The following FHIP1A variants were observed in gnomAD, a reference collection of about 807,000 sequenced individuals.
The protein encoded by FHIP1A is FHF complex subunit HOOK-interacting protein 1A.
FHIP1A carries 61 observed loss-of-function variants against 88.6 expected under a neutral mutation model. The ratio of observed to expected loss-of-function variants is 0.69; its 90% CI spans 0.56 to 0.85. The LOEUF is 0.85. Among genes scored for constraint, FHIP1A ranks in the 40% least tolerant of loss-of-function variants. The pLI is 0.00. For synonymous variants in FHIP1A, 478 were observed against 496.0 expected, an observed-to-expected ratio of 0.96 and a Z score of 0.48; for missense variants, 1,154 against 1,273.5, an observed-to-expected ratio of 0.91 and a Z score of 1.43.
intron 7 of FHIP1A, among the ~76,000 whole-genome samples, chr4:151,620,864 C>T (rs1472100426): frequency 6.8e-6 from 1 of 147,432 alleles, no homozygotes; most frequent in African/African-American, 2.5e-5. Flanking sequence ...CCCACCCTCC[C>T]TACACACCGA....
chr4:151,502,904 C>G (rs10857260), intron 3 of FHIP1A, among the ~76,000 whole-genome samples: 78,982 of 151,974 alleles, frequency 0.52, 20,819 homozygotes, highest in African/African-American at 0.55. Flanking sequence ...TTCAATACAG[C>G]TAAAGAAATT....
At chr4:151,641,831 C>G (rs1321131548) in intron 9 of FHIP1A, among the ~76,000 whole-genome samples, 1 of 152,088 alleles carries the variant, frequency 6.6e-6, no homozygotes, top group Non-Finnish European at 1.5e-5. Context: ...ATAATCTGTC[C>G]TTTTTGTTTG....
At chr4:151,487,551 A>G (rs1277430104) in intron 3 of FHIP1A, among the ~76,000 whole-genome samples, 1 of 152,210 alleles carries the variant, frequency 6.6e-6, no homozygotes, top group Non-Finnish European at 1.5e-5. Context: ...CGTGTCTGGC[A>G]TTGAACTCAT....
chr4:151,595,039 G>C (rs1401585277), intron 7 of FHIP1A, among the ~76,000 whole-genome samples: 4 of 152,092 alleles, frequency 2.6e-5, no homozygotes, highest in Non-Finnish European at 5.9e-5. Flanking sequence ...GTTCTGCTCT[G>C]ATCTTAGGTG....
intron 3 of FHIP1A, among the ~76,000 whole-genome samples, chr4:151,515,657 T>C (rs1731206364): frequency 6.6e-6 from 1 of 151,780 alleles, no homozygotes; most frequent in African/African-American, 2.4e-5. Flanking sequence ...TATACACCAA[T>C]AACAGACAGA....
rs912326146 is a variant in FHIP1A, at chr4:151,667,403, T to C, written c.*4649T>C. ...AGTTGACTCTTTCCCCCCCTTCTTTTTGAATGAACCTCGTAAACCTAATGC... is the reference window on the plus strand; with the variant it reads ...AGTTGACTCTTTCCCCCCCTTCTTTCTGAATGAACCTCGTAAACCTAATGC... On this transcript the variant is annotated 3_prime_UTR_variant, in exon 14 of 14. Coordinates refer to ENST00000435205, the MANE Select transcript of FHIP1A (RefSeq NM_001109977.3). The C allele has an allele frequency of 5.3e-5, 8 of 152,216 alleles. No individual in the cohort carries two copies. The highest frequency in any genetic ancestry group is 8.8e-5 in the Non-Finnish European group (6 of 68,050). The allele number at this position is 152,216 out of a possible 1,614,324, so 9.4% of individuals were successfully genotyped here.
chr4:151,587,165 A>G (rs920975224), intron 6 of FHIP1A, among the ~76,000 whole-genome samples: 1 of 152,186 alleles, frequency 6.6e-6, no homozygotes, highest in African/African-American at 2.4e-5. Context: ...GGAATTTACA[A>G]AGGAGAACAC....
At chr4:151,515,557 A>G (rs1022885176) in intron 3 of FHIP1A, among the ~76,000 whole-genome samples, 1 of 152,240 alleles carries the variant, frequency 6.6e-6, no homozygotes, top group Non-Finnish European at 1.5e-5. Flanking sequence ...AGAAAACCCC[A>G]TTGTTTCAGC....
intron 3 of FHIP1A, among the ~76,000 whole-genome samples, chr4:151,552,339 G>A (rs1732770702): frequency 2.0e-5 from 3 of 152,276 alleles, no homozygotes; most frequent in Admixed American, 2.0e-4. Context: ...TATACCCAAA[G>A]TATTATAAAT....
chr4:151,651,921 G>A (rs1034625155), intron 11 of FHIP1A, among the ~76,000 whole-genome samples: 1 of 152,220 alleles, frequency 6.6e-6, no homozygotes, highest in Admixed American at 6.5e-5. Context: ...TCAATCATAA[G>A]TAAAATGGAT....
At chr4:151,447,060 C>T (rs2709844) in intron 1 of FHIP1A, among the ~76,000 whole-genome samples, 79,071 of 151,790 alleles carry the variant, frequency 0.52, 20,873 homozygotes, top group African/African-American at 0.55. Flanking sequence ...TGAAGTTAAC[C>T]TAAGGGATAT....
At chr4:151,578,249 C>A (rs1012460266) in intron 5 of FHIP1A, among the ~76,000 whole-genome samples, 173 bp downstream of exon 5, 1 of 152,084 alleles carries the variant, frequency 6.6e-6, no homozygotes, top group Admixed American at 6.5e-5. Context: ...TAAGTTGAGA[C>A]GCTATTTGGC....
At chr4:151,541,194 G>T (rs1732270866) in intron 3 of FHIP1A, among the ~76,000 whole-genome samples, 1 of 152,152 alleles carries the variant, frequency 6.6e-6, no homozygotes, top group Non-Finnish European at 1.5e-5. Flanking sequence ...ACCTGTGATG[G>T]TAAGTACCCA....
chr4:151,654,416 A>T (rs1737153391), intron 11 of FHIP1A, among the ~76,000 whole-genome samples: 3 of 149,478 alleles, frequency 2.0e-5, no homozygotes, highest in African/African-American at 7.7e-5. Flanking sequence ...GGCCAAGCAC[A>T]GTCTGGGACT....
intron 2 of FHIP1A, among the ~76,000 whole-genome samples, chr4:151,457,351 A>G (rs1304658477): frequency 6.6e-6 from 1 of 152,222 alleles, no homozygotes; most frequent in African/African-American, 2.4e-5. Flanking sequence ...TGCATTTGGA[A>G]CAGGAAATTG....
intron 3 of FHIP1A, among the ~76,000 whole-genome samples, chr4:151,546,501 C>T (rs1406310613): frequency 1.3e-5 from 2 of 152,224 alleles, no homozygotes; most frequent in African/African-American, 4.8e-5. Flanking sequence ...CTGATACAGA[C>T]TGCTATGTGA....
intron 3 of FHIP1A, among the ~76,000 whole-genome samples, chr4:151,493,367 A>G (rs11735121): frequency 0.35 from 53,370 of 152,040 alleles, 9,958 homozygotes; most frequent in Non-Finnish European, 0.43. Flanking sequence ...CCAGGAACAG[A>G]TGGATTTACA....
At chr4:151,483,615 A>C (rs866083886) in intron 3 of FHIP1A, among the ~76,000 whole-genome samples, 8 of 152,166 alleles carry the variant, frequency 5.3e-5, no homozygotes, top group Non-Finnish European at 7.4e-5. Context: ...GGGGGAAGGG[A>C]GGCTTAGGGA....
intron 8 of FHIP1A, among the ~76,000 whole-genome samples, chr4:151,633,735 C>T (rs1462263303): frequency 1.3e-5 from 2 of 151,836 alleles, no homozygotes; most frequent in Admixed American, 6.6e-5. Flanking sequence ...ACAGAAAAGG[C>T]GCTTGACAAA....
Sources: gnomAD v4.1 joint callset for allele counts (sites outside exome capture counted in the v4.1 genomes callset) on GRCh38, gnomAD v4.1.1 for gene constraint, MANE v1.5 for transcripts, NCBI Gene and HGNC (gene_info 2026-07-23, HGNC 2026-07-21) for gene names.